The following UNC5B variants were observed in gnomAD, a reference collection of about 807,000 sequenced individuals.
UNC5B encodes unc-5 netrin receptor B.
A neutral mutation model predicts 103.7 loss-of-function variants in UNC5B; 56 were observed. That is an observed-to-expected ratio of 0.54 (90% confidence interval 0.44 to 0.67). The LOEUF (loss-of-function observed/expected upper bound fraction) is 0.67, where lower values mean the gene tolerates loss of function less well. Among genes scored for constraint, UNC5B ranks in the 30% least tolerant of loss-of-function variants. UNC5B has a pLI of 0.00. For synonymous variants in UNC5B, 577 were observed against 542.0 expected (o/e 1.06, Z -0.90); for missense variants, 1,194 against 1,284.5 (o/e 0.93, Z 1.08).
intron 2 of UNC5B, among the ~76,000 whole-genome samples, chr10:71,284,402 C>T (rs148807577): frequency 3.1e-4 from 47 of 152,272 alleles, no homozygotes; most frequent in African/African-American, 7.7e-4. Flanking sequence ...TGACCCTACC[C>T]GCCTGCAGGC....
chr10:71,241,130 C>T (rs1442011945), intron 1 of UNC5B, among the ~76,000 whole-genome samples: 2 of 152,222 alleles, frequency 1.3e-5, no homozygotes, highest in Non-Finnish European at 2.9e-5. Flanking sequence ...CCCCATTTTA[C>T]AGAGGAGAAA....
rs1205530321 is a variant in UNC5B, at chr10:71,212,758, G to A, written c.-228G>A. Reference sequence around the variant, plus strand: ...CAGAGACCCGGAGCCAGAGGGGCGCGCCGGAGCCTCGTTCGAGAGCCGGCG... The same window carrying A: ...CAGAGACCCGGAGCCAGAGGGGCGCACCGGAGCCTCGTTCGAGAGCCGGCG... On this transcript the variant is annotated 5_prime_UTR_variant, in exon 1 of 17. Transcript: ENST00000335350. 1.1e-5 allele frequency: 4 copies of A among 350,772 alleles called. No homozygotes were observed. Among genetic ancestry groups the A allele is most frequent in the Non-Finnish European group, 2.0e-5 (4 of 195,950 alleles). 21.7% of individuals were successfully genotyped at this position (350,772 alleles called of 1,614,324 possible). A position where few individuals can be genotyped will look rare whatever the true frequency, so the allele number is the denominator to read the frequency against.
chr10:71,290,493 A>C (rs1170837870), intron 8 of UNC5B, among the ~76,000 whole-genome samples: 1 of 152,154 alleles, frequency 6.6e-6, no homozygotes, highest in Non-Finnish European at 1.5e-5. Context: ...GAGCCAGAAG[A>C]CCTTATCTAC....
Position 71,284,756 on chromosome 10 carries a change from G to A in UNC5B, c.341G>A (p.Arg114Gln), listed in dbSNP as rs781042551. The change falls in exon 3 of 17, where the codon CGG (arginine) becomes CAG (glutamine). Residue 114 changes from arginine (R) to glutamine (Q), a missense_variant. Transcript: ENST00000335350. The part of the protein sequence containing the change: ...RVREVQIEVS[R>Q]QQVEELFGLE... Reference sequence around the variant, plus strand: ...CGCGAGGTGCAGATCGAGGTGTCGCGGCAGCAGGTGGAGGAGCTCTTTGGG... The same window carrying A: ...CGCGAGGTGCAGATCGAGGTGTCGCAGCAGCAGGTGGAGGAGCTCTTTGGG... 23 of 1,566,972 alleles carry A rather than the reference G, an allele frequency of 1.5e-5. No homozygotes were observed. The highest frequency in any genetic ancestry group is 9.1e-5 in the South Asian group (8 of 88,138).
chr10:71,227,231 C>T (rs966527075), intron 1 of UNC5B, among the ~76,000 whole-genome samples: 12 of 152,012 alleles, frequency 7.9e-5, no homozygotes, highest in African/African-American at 2.4e-4. Flanking sequence ...GTGATCTGCC[C>T]GCCTCAGCCT....
Position 71,279,949 on chromosome 10 carries a change from C to T in UNC5B, c.208C>T (p.Arg70Cys), listed in dbSNP as rs774105495. ...GAACAAGCCTGTGGAGCTCCGCTGC[C>T]GCGCCTTCCCCGCCACACAGATCTA... ...VKNKPVELRC[R>C]AFPATQIYFK... Residue 70 changes from arginine (R) to cysteine (C), a missense_variant, in exon 2 of 17, where the codon CGC (arginine) becomes TGC (cysteine). Transcript: ENST00000335350. 1.3e-5 allele frequency: 21 copies of T among 1,614,038 alleles called. No homozygotes were observed. The highest frequency in any genetic ancestry group is 3.3e-5 in the Admixed American group (2 of 60,036).
intron 1 of UNC5B, among the ~76,000 whole-genome samples, chr10:71,232,048 T>C (rs1231469695): frequency 6.6e-6 from 1 of 152,156 alleles, no homozygotes; most frequent in African/African-American, 2.4e-5. Context: ...AATTCTCAAA[T>C]GGGGAAACCT....
chr10:71,231,069 T>C (rs563064423), intron 1 of UNC5B, among the ~76,000 whole-genome samples: 138 of 152,346 alleles, frequency 9.1e-4, no homozygotes, highest in African/African-American at 2.3e-3. Context: ...TCAGTTTCCC[T>C]GTCTGTTAAA....
intron 1 of UNC5B, among the ~76,000 whole-genome samples, chr10:71,236,006 G>A (rs1411282456): frequency 3.9e-5 from 6 of 152,352 alleles, no homozygotes; most frequent in African/African-American, 1.2e-4. Context: ...GCTGTGTGAC[G>A]TTAGGCAAGT....
intron 1 of UNC5B, among the ~76,000 whole-genome samples, chr10:71,244,237 C>T (rs1409069528): frequency 6.6e-6 from 1 of 152,264 alleles, no homozygotes; most frequent in Non-Finnish European, 1.5e-5. Context: ...CAGCATGAGA[C>T]TCTGAGCCCT....
At chr10:71,238,322 C>T (rs1342709595) in intron 1 of UNC5B, among the ~76,000 whole-genome samples, 1 of 152,154 alleles carries the variant, frequency 6.6e-6, no homozygotes, top group Non-Finnish European at 1.5e-5. Context: ...GGGCCCACTT[C>T]TCCAGAGTGG....
chr10:71,298,810 G>T (rs569751923), intron 16 of UNC5B, among the ~76,000 whole-genome samples: 38 of 152,262 alleles, frequency 2.5e-4, no homozygotes, highest in South Asian at 1.9e-3. Context: ...TAATGATGAT[G>T]ATGAACAAGA....
intron 1 of UNC5B, among the ~76,000 whole-genome samples, chr10:71,242,078 C>T (rs1190399728): frequency 1.3e-5 from 2 of 152,142 alleles, no homozygotes; most frequent in Non-Finnish European, 2.9e-5. Context: ...GCCTGAGGCC[C>T]TTCTTCCTAG....
At chr10:71,294,267 G>A (rs544701977) in intron 13 of UNC5B, among the ~76,000 whole-genome samples, 34 of 152,362 alleles carry the variant, frequency 2.2e-4, no homozygotes, top group Non-Finnish European at 3.5e-4. Context: ...GCAGAAAGGA[G>A]TGAAGGGCAT....
At chr10:71,244,031 C>T (rs1843967190) in intron 1 of UNC5B, among the ~76,000 whole-genome samples, 1 of 152,252 alleles carries the variant, frequency 6.6e-6, no homozygotes, top group African/African-American at 2.4e-5. Context: ...TCTGCAGAGA[C>T]TGTGCCCTTT....
At chr10:71,255,399 T>C (rs1312355493) in intron 1 of UNC5B, among the ~76,000 whole-genome samples, 1 of 152,212 alleles carries the variant, frequency 6.6e-6, no homozygotes, top group Non-Finnish European at 1.5e-5. Flanking sequence ...CAGTTGTTCA[T>C]GGGCCCACAG....
intron 1 of UNC5B, among the ~76,000 whole-genome samples, chr10:71,227,599 C>T (rs916028784): frequency 7.0e-6 from 1 of 142,328 alleles, no homozygotes; most frequent in Admixed American, 7.0e-5. Flanking sequence ...ATTTTGTATA[C>T]ATACATATAT....
At chr10:71,234,400 G>A (rs1843736967) in intron 1 of UNC5B, among the ~76,000 whole-genome samples, 1 of 152,242 alleles carries the variant, frequency 6.6e-6, no homozygotes, top group Non-Finnish European at 1.5e-5. Flanking sequence ...CTGCCCTGGG[G>A]AAACAGTACC....
In UNC5B at chr10:71,293,859, G is replaced by C; in HGVS notation, c.2101G>C (p.Ala701Pro). Reference sequence around the variant, plus strand: ...CAAGCGGCTCCAGCTGGCCGTCTTCGCCCCCGCCCTCTGCACCTCCCTGGA... The same window carrying C: ...CAAGCGGCTCCAGCTGGCCGTCTTCCCCCCCGCCCTCTGCACCTCCCTGGA... The part of the protein sequence containing the change: ...AVKRLQLAVF[A>P]PALCTSLEYS... The change falls in exon 13 of 17, where the codon GCC becomes CCC. Residue 701 changes from alanine to proline, a missense_variant. Transcript: ENST00000335350. 1 of 1,608,924 alleles carries C rather than the reference G, an allele frequency of 6.2e-7. No individual in the cohort carries two copies. The highest frequency in any genetic ancestry group is 8.5e-7 in the Non-Finnish European group (1 of 1,179,666).
Sources: allele counts gnomAD v4.1 joint callset (sites outside exome capture counted in the v4.1 genomes callset), GRCh38; gene constraint gnomAD v4.1.1; transcripts MANE v1.5; gene names NCBI Gene and HGNC (gene_info 2026-07-23, HGNC 2026-07-21).